Variants in CHST3 observed in about 807,000 individuals in gnomAD.
The protein encoded by CHST3 is C6ST-1.
CHST3 carries 20 observed loss-of-function variants against 35.4 expected under a neutral mutation model. The ratio of observed to expected loss-of-function variants is 0.57; its 90% CI spans 0.40 to 0.82. CHST3 has a LOEUF of 0.82. Ranked by LOEUF, CHST3 falls within the 40% of genes least tolerant of loss-of-function variation. The pLI, the probability that CHST3 is intolerant of heterozygous loss-of-function variation, is 0.00. For missense variants in CHST3, 693 were observed against 670.1 expected (o/e 1.03, Z -0.38); for synonymous variants, 334 against 295.9 (o/e 1.13, Z -1.32).
At chr10:72,006,887 TC>T in intron 2 of CHST3, among the ~76,000 whole-genome samples, 1 of 151,936 alleles carries the variant, frequency 6.6e-6, no homozygotes, top group East Asian at 1.9e-4. Flanking sequence ...GGAGTAACTG[TC>T]CCCCCCAGAT....
chr10:71,990,322 C>T (rs1393432803), intron 1 of CHST3, among the ~76,000 whole-genome samples: 5 of 152,196 alleles, frequency 3.3e-5, no homozygotes, highest in Admixed American at 2.6e-4. Context: ...GGCGTCCTTA[C>T]CTGGTGGAAG....
chr10:72,007,142 C>T, intron 2 of CHST3, 30 bp from the exon 3 acceptor site: 2 of 1,611,742 alleles, frequency 1.2e-6, no homozygotes, highest in Middle Eastern at 1.6e-4. Context: ...CCCAGTCAGC[C>T]ACTGACCCTG....
intron 1 of CHST3, among the ~76,000 whole-genome samples, chr10:71,986,549 G>A (rs930255779): frequency 1.3e-5 from 2 of 152,316 alleles, no homozygotes; most frequent in African/African-American, 2.4e-5. Context: ...GCTTTGGCCC[G>A]GGGTGGAAAT....
At chr10:71,977,961 A>G (rs1839762890) in intron 1 of CHST3, among the ~76,000 whole-genome samples, 1 of 152,210 alleles carries the variant, frequency 6.6e-6, no homozygotes, top group African/African-American at 2.4e-5. Flanking sequence ...TCCATGAAGC[A>G]TTCAGCAATA....
At chr10:71,992,041 G>T (rs1198419250) in intron 1 of CHST3, among the ~76,000 whole-genome samples, 2 of 152,146 alleles carry the variant, frequency 1.3e-5, no homozygotes, top group African/African-American at 4.8e-5. Flanking sequence ...TGAAAAAAAT[G>T]CTAACAATCA....
chr10:71,982,781 A>G (rs1451646883), intron 1 of CHST3, among the ~76,000 whole-genome samples: 1 of 152,170 alleles, frequency 6.6e-6, no homozygotes, highest in Admixed American at 6.5e-5. Flanking sequence ...TGTTATTTGA[A>G]GGTACTAAGT....
rs114945397 is a variant in CHST3, at chr10:72,002,912, G to A, written c.-107-2824G>A. On this transcript the variant is annotated intron_variant, in intron 1 of 2. Transcript: ENST00000373115. ...ATTCTAGATGCGAGTCCCGACTTTG[G>A]GGTGCTTGCATTCTGGGAAGGGAGA... Among the ~76,000 whole-genome samples the A allele has an allele frequency of 8.8e-3, 1,347 of 152,254 alleles. 23 individuals carry two copies. The highest frequency in any genetic ancestry group is 0.028 in the African/African-American group (1,163 of 41,528).
intron 1 of CHST3, among the ~76,000 whole-genome samples, chr10:71,995,490 C>G (rs1481507330): frequency 1.3e-5 from 2 of 152,018 alleles, no homozygotes; most frequent in African/African-American, 2.4e-5. Flanking sequence ...GTGCAAGAGG[C>G]CTCACTTTTA....
In CHST3 at chr10:72,008,007, G is replaced by T; in HGVS notation, c.976G>T (p.Asp326Tyr). Reference sequence around the variant, plus strand: ...GTATAAGACCTGGAAGAAGTGGCTGGACGACGAGGGCCAGGACGGCCTGAG... The same window carrying T: ...GTATAAGACCTGGAAGAAGTGGCTGTACGACGAGGGCCAGGACGGCCTGAG... The part of the protein sequence containing the change: ...GKYKTWKKWL[D>Y]DEGQDGLREE... Residue 326 changes from aspartate to tyrosine, a missense_variant, in exon 3 of 3, where the codon GAC becomes TAC. Asp to Tyr is a radical substitution (Grantham distance 160, BLOSUM62 -3). Coordinates refer to ENST00000373115, the MANE Select transcript of CHST3 (RefSeq NM_004273.5). 4 of 1,549,526 alleles carry T rather than the reference G, an allele frequency of 2.6e-6. No individual in the cohort carries two copies. In the South Asian group the frequency reaches 3.6e-5, roughly 14 times the overall value.
rs1840047476 is a variant in CHST3, at chr10:72,007,224, A to C, written c.193A>C (p.Thr65Pro). The change falls in exon 3 of 3, where the codon ACC (threonine) becomes CCC (proline). Residue 65 changes from threonine (T) to proline (P), a missense_variant. Thr to Pro is a conservative substitution (Grantham distance 38). Transcript: ENST00000373115. ...CCAAGCTCTAGCAGATGCCAACAGC[A>C]CCGACCCAGCCCTGATCTTAGCTGA... ...IPQALADANSTDPALILAENA... is the reference protein window; with the variant it reads ...IPQALADANSPDPALILAENA... 1 of 1,614,186 alleles carries C rather than the reference A, an allele frequency of 6.2e-7. No individual in the cohort carries two copies. Among genetic ancestry groups the C allele is most frequent in the Non-Finnish European group, 8.5e-7 (1 of 1,180,036 alleles).
chr10:71,976,278 T>G (rs1839744625), intron 1 of CHST3, among the ~76,000 whole-genome samples: 1 of 152,160 alleles, frequency 6.6e-6, no homozygotes, highest in Non-Finnish European at 1.5e-5. Flanking sequence ...TGGAAGGGCC[T>G]CACTGCGGTG....
Position 72,011,507 on chromosome 10 carries a change from G to C in CHST3, c.*3036G>C, listed in dbSNP as rs1292561706. ...GGATGGAGAAGATGGAAGCACTGGT[G>C]GCCGGGCCTCTTTTTCCAGCGAGGC... On this transcript the variant is annotated 3_prime_UTR_variant, in exon 3 of 3. Coordinates refer to ENST00000373115, the MANE Select transcript of CHST3 (RefSeq NM_004273.5). The C allele has an allele frequency of 3.3e-5, 5 of 152,190 alleles. No homozygotes were observed. The highest frequency in any genetic ancestry group is 1.2e-4 in the African/African-American group (5 of 41,432). The allele number at this position is 152,190 out of a possible 1,614,324, so 9.4% of individuals were successfully genotyped here.
intron 1 of CHST3, among the ~76,000 whole-genome samples, chr10:71,969,637 C>A (rs947116978): frequency 6.6e-6 from 1 of 152,226 alleles, no homozygotes; most frequent in South Asian, 2.1e-4. Flanking sequence ...GCCCTCTCCC[C>A]CTCCACTGCA....
intron 1 of CHST3, among the ~76,000 whole-genome samples, chr10:71,974,080 G>T (rs988332529): frequency 6.6e-6 from 1 of 152,198 alleles, no homozygotes; most frequent in African/African-American, 2.4e-5. Context: ...GAAGACATGG[G>T]AATAAAATGT....
chr10:71,996,501 T>C (rs1266622785), intron 1 of CHST3, among the ~76,000 whole-genome samples: 1 of 152,070 alleles, frequency 6.6e-6, no homozygotes, highest in Non-Finnish European at 1.5e-5. Context: ...CCCACTTTTT[T>C]TTTTATAAAA....
At position 72,013,372 on chromosome 10, in the gene CHST3, C is replaced by G. The variant is rs1840132634; in HGVS notation, c.*4901C>G. 1 of 152,246 alleles carries G rather than the reference C, an allele frequency of 6.6e-6. No individual in the cohort carries two copies. Among genetic ancestry groups the G allele is most frequent in the Non-Finnish European group, 1.5e-5 (1 of 68,048 alleles). The allele number at this position is 152,246 out of a possible 1,614,324, so 9.4% of individuals were successfully genotyped here. Reference sequence around the variant, plus strand: ...ATTGCTCCCAGCCCCATTGCTGTCACTGTCGTCCCAGATGTCCTTGCCATG... The same window carrying G: ...ATTGCTCCCAGCCCCATTGCTGTCAGTGTCGTCCCAGATGTCCTTGCCATG... On this transcript the variant is annotated 3_prime_UTR_variant, in exon 3 of 3. Coordinates refer to ENST00000373115, the MANE Select transcript of CHST3 (RefSeq NM_004273.5).
chr10:71,991,311 C>T (rs779003510), intron 1 of CHST3, among the ~76,000 whole-genome samples: 6 of 152,208 alleles, frequency 3.9e-5, no homozygotes, highest in Non-Finnish European at 7.3e-5. Context: ...TTTTGTTCTT[C>T]GCTAATTAAA....
chr10:71,988,803 A>ACT (rs1227481275), intron 1 of CHST3, among the ~76,000 whole-genome samples: 1 of 152,198 alleles, frequency 6.6e-6, no homozygotes, highest in East Asian at 1.9e-4. Flanking sequence ...TGATCTCAGG[A>ACT]TTCTTCTCAT....
At chr10:72,003,354 T>C (rs1292917251) in intron 1 of CHST3, among the ~76,000 whole-genome samples, 4 of 152,128 alleles carry the variant, frequency 2.6e-5, no homozygotes, top group African/African-American at 9.7e-5. Context: ...AATAAGTTCA[T>C]GAGAAAAGGC....
Sources: allele counts gnomAD v4.1 joint callset (sites outside exome capture counted in the v4.1 genomes callset), GRCh38; gene constraint gnomAD v4.1.1; transcripts MANE v1.5; gene names NCBI Gene and HGNC (gene_info 2026-07-23, HGNC 2026-07-21).